Variants in CORT observed in about 807,000 individuals in gnomAD.
CORT encodes cortistatin-14.
Under a neutral mutation model 4.4 loss-of-function variants are expected in CORT, and 2 were observed. The observed-to-expected ratio is 0.46, with a 90% CI of 0.19 to 1.44. The LOEUF is 1.44. Ranked by LOEUF, CORT falls within the 40% of genes most tolerant of loss-of-function variation. The probability of loss-of-function intolerance (pLI) is 0.26; values close to 1 mark genes in which losing one functional copy is unlikely to be tolerated. For synonymous variants in CORT, 72 were observed against 62.0 expected (o/e 1.16, Z -0.75); for missense variants, 158 against 140.2 (o/e 1.13, Z -0.64).
At position 10,450,273 on chromosome 1, in the gene CORT, C is replaced by G; in HGVS notation, c.50C>G (p.Ala17Gly). The G allele has an allele frequency of 6.4e-7, 1 of 1,552,788 alleles. No individual in the cohort carries two copies. Among genetic ancestry groups the G allele is most frequent in the Non-Finnish European group, 8.7e-7 (1 of 1,149,530 alleles). ...LLLLLLSGAT[A>G]TAALPLEGGP... ...CTGCTGCTGCTCTCCGGGGCCACGG[C>G]CACCGCTGCCCTGCCCCTGGAGGGT... is the stretch of plus-strand genomic sequence containing the variant. Residue 17 changes from alanine to glycine, a missense_variant, in exon 1 of 2, where the codon GCC (alanine) becomes GGC (glycine). Coordinates refer to ENST00000377049, the MANE Select transcript of CORT (RefSeq NM_001302.5).
In CORT at chr1:10,451,582, C is replaced by T; in HGVS notation, c.305C>T (p.Ser102Phe). Residue 102 changes from serine (S) to phenylalanine (F), a missense_variant, in exon 2 of 2, where the codon TCC becomes TTC. Coordinates refer to ENST00000377049, the MANE Select transcript of CORT (RefSeq NM_001302.5). The part of the protein sequence containing the change: ...PCRNFFWKTF[S>F]SCK ...AGGAACTTCTTCTGGAAGACCTTCT[C>T]CTCCTGCAAATAAAACCTCACCCAT... The T allele has an allele frequency of 1.9e-6, 3 of 1,612,302 alleles. No individual in the cohort carries two copies. The highest frequency in any genetic ancestry group is 2.2e-5 in the East Asian group (1 of 44,882).
At chr1:10,451,231 T>C in intron 1 of CORT, 146 bp from the exon 2 acceptor site, 2 of 1,113,996 alleles carry the variant, frequency 1.8e-6, no homozygotes, top group Non-Finnish European at 2.4e-6. Context: ...CTTTTCATTT[T>C]AATATTTTCT....
At chr1:10,450,785 G>C (rs1273088918) in intron 1 of CORT, among the ~76,000 whole-genome samples, 1 of 152,134 alleles carries the variant, frequency 6.6e-6, no homozygotes, top group African/African-American at 2.4e-5. Flanking sequence ...TCCAAGAAAG[G>C]GTATATAAAG....
intron 1 of CORT, 67 bp downstream of exon 1, chr1:10,450,389 C>T: frequency 7.1e-7 from 1 of 1,409,178 alleles, no homozygotes; most frequent in Non-Finnish European, 9.3e-7. Context: ...TTTTGGCCTG[C>T]ATGGTGTGTG....
At position 10,450,109 on chromosome 1, in the gene CORT, A is replaced by G. The variant is rs751929665; in HGVS notation, c.-115A>G. On this transcript the variant is annotated 5_prime_UTR_variant, in exon 1 of 2. Transcript: ENST00000377049. ...ACAAAAACAGCTGGAGATTGGGCTTAAAATACCCACCAAGCTCCAAAGAAG... is the reference window on the plus strand; with the variant it reads ...ACAAAAACAGCTGGAGATTGGGCTTGAAATACCCACCAAGCTCCAAAGAAG... 7 of 1,606,236 alleles carry G rather than the reference A, an allele frequency of 4.4e-6. No individual in the cohort carries two copies. The Admixed American group carries it at 1.2e-4, about 27-fold the overall frequency.
rs774224705 is a variant in CORT, at chr1:10,451,465, G to C, written c.188G>C (p.Gly63Ala). The C allele has an allele frequency of 5.0e-6, 8 of 1,614,062 alleles. 1 individual carries two copies. Among genetic ancestry groups the C allele is most frequent in the Non-Finnish European group, 6.8e-6 (8 of 1,179,962 alleles). Residue 63 changes from glycine (G) to alanine (A), a missense_variant, in exon 2 of 2, where the codon GGG becomes GCG. Transcript: ENST00000377049. Reference sequence around the variant, plus strand: ...GAGTGGACCTCCCAGGCCAGTGCCGGGCCCCTCATAGGAGAGGAAGCCCGG... The same window carrying C: ...GAGTGGACCTCCCAGGCCAGTGCCGCGCCCCTCATAGGAGAGGAAGCCCGG... ...WFEWTSQASAGPLIGEEAREV... is the reference protein window; with the variant it reads ...WFEWTSQASAAPLIGEEAREV...
At position 10,450,165 on chromosome 1, in the gene CORT, G is replaced by T. The variant is rs769970397; in HGVS notation, c.-59G>T. On this transcript the variant is annotated 5_prime_UTR_variant, in exon 1 of 2. Transcript: ENST00000377049. Reference sequence around the variant, plus strand: ...CAAGTCCCCAAAACATTGATTTCAGGGCTGCCAGGAAGGAAGAGCAGCAGC... The same window carrying T: ...CAAGTCCCCAAAACATTGATTTCAGTGCTGCCAGGAAGGAAGAGCAGCAGC... 1 of 1,610,206 alleles carries T rather than the reference G, an allele frequency of 6.2e-7. No homozygotes were observed. The highest frequency in any genetic ancestry group is 8.5e-7 in the Non-Finnish European group (1 of 1,178,472).
Position 10,451,691 on chromosome 1 carries a change from T to G in CORT, c.*96T>G. 2 of 1,443,680 alleles carry G rather than the reference T, an allele frequency of 1.4e-6. No homozygotes were observed. The highest frequency in any genetic ancestry group is 1.8e-6 in the Non-Finnish European group (2 of 1,092,874). 89.4% of individuals were successfully genotyped at this position (1,443,680 alleles called of 1,614,324 possible). ...TTTCCTCTCCTCCTTCCCAAGTCATTTGAAAAGTGTTTGTTATTTAAATTC... is the reference window on the plus strand; with the variant it reads ...TTTCCTCTCCTCCTTCCCAAGTCATGTGAAAAGTGTTTGTTATTTAAATTC... On this transcript the variant is annotated 3_prime_UTR_variant, in exon 2 of 2. Coordinates refer to ENST00000377049, the MANE Select transcript of CORT (RefSeq NM_001302.5).
rs148947617 is a variant in CORT at position 10,450,820 on chromosome 1, T to C, written c.99+498T>C. ...GTTGAGCATTAAAAATGGATTTTTC[T>C]CTAAAATTACCAGATGAGTTTCAGG... On this transcript the variant is annotated intron_variant, in intron 1 of 1. Transcript: ENST00000377049. Among the ~76,000 whole-genome samples the C allele has an allele frequency of 1.1e-4, 16 of 152,354 alleles. No individual in the cohort carries two copies. The East Asian group carries it at 2.9e-3, about 27-fold the overall frequency.
Position 10,451,500 on chromosome 1 carries a change from A to G in CORT, c.223A>G (p.Arg75Gly). 1 of 1,614,108 alleles carries G rather than the reference A, an allele frequency of 6.2e-7. No individual in the cohort carries two copies. Among genetic ancestry groups the G allele is most frequent in the Non-Finnish European group, 8.5e-7 (1 of 1,180,018 alleles). The change falls in exon 2 of 2, where the codon AGG becomes GGG. Residue 75 changes from arginine (R) to glycine (G), a missense_variant. Coordinates refer to ENST00000377049, the MANE Select transcript of CORT (RefSeq NM_001302.5). ...AGGAGAGGAAGCCCGGGAGGTGGCCAGGCGGCAGGAAGGCGCACCCCCCCA... is the reference window on the plus strand; with the variant it reads ...AGGAGAGGAAGCCCGGGAGGTGGCCGGGCGGCAGGAAGGCGCACCCCCCCA... ...LIGEEAREVA[R>G]RQEGAPPQQS...
chr1:10,450,340 G>A lies in CORT; in HGVS notation c.99+18G>A, dbSNP rs367976064. ...ACAGCGAGGTGAGTACAGTCCCGAC[G>A]TGGCCACACGCTAGCCCACTCTCTG... is the stretch of plus-strand genomic sequence containing the variant. On this transcript the variant is annotated intron_variant, in intron 1 of 1. Transcript: ENST00000377049. 4.9e-5 allele frequency: 72 copies of A among 1,469,972 alleles called. No individual in the cohort carries two copies. In the African/African-American group the frequency reaches 7.7e-4, roughly 16 times the overall value. The allele number at this position is 1,469,972 out of a possible 1,614,324, so 91.1% of individuals were successfully genotyped here. A position where few individuals can be genotyped will look rare whatever the true frequency, so the allele number is the denominator to read the frequency against.
chr1:10,451,477 G>T lies in CORT; in HGVS notation c.200G>T (p.Gly67Val), dbSNP rs201163116. The T allele has an allele frequency of 5.6e-5, 90 of 1,614,044 alleles. No homozygotes were observed. Among genetic ancestry groups the T allele is most frequent in the Non-Finnish European group, 1.9e-5 (23 of 1,180,012 alleles). ...CAGGCCAGTGCCGGGCCCCTCATAG[G>T]AGAGGAAGCCCGGGAGGTGGCCAGG... ...TSQASAGPLI[G>V]EEAREVARRQ... is the part of the protein sequence containing the mutation. The change falls in exon 2 of 2, where the codon GGA becomes GTA. Residue 67 changes from glycine (G) to valine (V), a missense_variant. By Grantham distance (109) the Gly-to-Val change is moderately radical. Transcript: ENST00000377049.
rs762291116 is a variant in CORT, at chr1:10,450,194, G to A, written c.-30G>A. 2 of 1,611,546 alleles carry A rather than the reference G, an allele frequency of 1.2e-6. No individual in the cohort carries two copies. The highest frequency in any genetic ancestry group is 1.7e-6 in the Non-Finnish European group (2 of 1,178,914). The stretch of plus-strand genomic sequence containing the variant: ...GCCAGGAAGGAAGAGCAGCAGCAGG[G>A]TGGGAGAGAAGCTCCAGTCAGCCCA... On this transcript the variant is annotated 5_prime_UTR_variant, in exon 1 of 2. In the 5' UTR this introduces an upstream ATG that the reference lacks. Transcript: ENST00000377049.
intron 1 of CORT, among the ~76,000 whole-genome samples, chr1:10,450,970 A>C (rs1048672537): frequency 6.6e-6 from 1 of 152,148 alleles, no homozygotes; most frequent in Non-Finnish European, 1.5e-5. Context: ...GTGTGGCCAA[A>C]GGTGGGAGAA....
In CORT at chr1:10,450,276, C is replaced by T. The variant is rs772545408; in HGVS notation, c.53C>T (p.Thr18Ile). The change falls in exon 1 of 2, where the codon ACC becomes ATC. Residue 18 changes from threonine to isoleucine, a missense_variant. Transcript: ENST00000377049. ...CTGCTGCTCTCCGGGGCCACGGCCA[C>T]CGCTGCCCTGCCCCTGGAGGGTGGC... ...LLLLLSGATA[T>I]AALPLEGGPT... The T allele has an allele frequency of 1.8e-5, 28 of 1,552,396 alleles. No homozygotes were observed. In the Admixed American group the frequency reaches 5.4e-4, roughly 30 times the overall value.
At position 10,451,771 on chromosome 1, in the gene CORT, CTT is replaced by C. The variant is rs1009179110; in HGVS notation, c.*178_*179del. The stretch of plus-strand genomic sequence containing the variant: ...GTAATTTGGAACCCAAAGTGAAGAT[CTT>C]TGATAAAGATTTTTTTGTGGTTCGA... On this transcript the variant is annotated 3_prime_UTR_variant, in exon 2 of 2. Coordinates refer to ENST00000377049, the MANE Select transcript of CORT (RefSeq NM_001302.5). 5.3e-6 allele frequency: 6 copies of C among 1,126,690 alleles called. No homozygotes were observed. In the African/African-American group the frequency reaches 9.6e-5, roughly 18 times the overall value. The allele number at this position is 1,126,690 out of a possible 1,614,324, so 69.8% of individuals were successfully genotyped here.
chr1:10,450,362 T>C (rs1425088359), intron 1 of CORT, 40 bp downstream of exon 1: 6 of 1,439,934 alleles, frequency 4.2e-6, no homozygotes, highest in Admixed American at 2.7e-5. Context: ...TAGCCCACTC[T>C]CTGTCTCTTG....
In CORT at chr1:10,451,470, C is replaced by T. The variant is rs375844912; in HGVS notation, c.193C>T (p.Leu65Phe). ...EWTSQASAGPLIGEEAREVAR... is the reference protein window; with the variant it reads ...EWTSQASAGPFIGEEAREVAR... Reference sequence around the variant, plus strand: ...GACCTCCCAGGCCAGTGCCGGGCCCCTCATAGGAGAGGAAGCCCGGGAGGT... The same window carrying T: ...GACCTCCCAGGCCAGTGCCGGGCCCTTCATAGGAGAGGAAGCCCGGGAGGT... Residue 65 changes from leucine (L) to phenylalanine (F), a missense_variant, in exon 2 of 2, where the codon CTC (leucine) becomes TTC (phenylalanine). Physicochemically the swap from Leu to Phe is conservative, Grantham distance 22. Coordinates refer to ENST00000377049, the MANE Select transcript of CORT (RefSeq NM_001302.5). 1 of 1,614,184 alleles carries T rather than the reference C, an allele frequency of 6.2e-7. No individual in the cohort carries two copies. The highest frequency in any genetic ancestry group is 1.7e-5 in the Admixed American group (1 of 60,022).
At position 10,450,300 on chromosome 1, in the gene CORT, G is replaced by T. The variant is rs1177137846; in HGVS notation, c.77G>T (p.Gly26Val). Residue 26 changes from glycine (G) to valine (V), a missense_variant, in exon 1 of 2, where the codon GGC (glycine) becomes GTC (valine). Physicochemically the swap from Gly to Val is moderately radical, Grantham distance 109. Transcript: ENST00000377049. ...TATAALPLEG[G>V]PTGRDSEHMQ... ...ACCGCTGCCCTGCCCCTGGAGGGTGGCCCCACCGGCCGAGACAGCGAGGTG... is the reference window on the plus strand; with the variant it reads ...ACCGCTGCCCTGCCCCTGGAGGGTGTCCCCACCGGCCGAGACAGCGAGGTG... 1 of 1,515,294 alleles carries T rather than the reference G, an allele frequency of 6.6e-7. No individual in the cohort carries two copies. The highest frequency in any genetic ancestry group is 2.2e-5 in the Admixed American group (1 of 44,904). 93.9% of individuals were successfully genotyped at this position (1,515,294 alleles called of 1,614,324 possible).
Sources: gnomAD v4.1 joint callset for allele counts (sites outside exome capture counted in the v4.1 genomes callset) on GRCh38, gnomAD v4.1.1 for gene constraint, MANE v1.5 for transcripts, NCBI Gene and HGNC (gene_info 2026-07-23, HGNC 2026-07-21) for gene names.